DAG1: variants seen among roughly 807,000 people sequenced by gnomAD.
DAG1 encodes dystroglycan 1 (dystrophin-associated glycoprotein 1).
In DAG1, 8 loss-of-function variants were observed where a neutral mutation model predicts 46.1. That is an observed-to-expected ratio of 0.17 (90% CI 0.10 to 0.31). The LOEUF is 0.31. DAG1 is among the 10% of genes least tolerant of loss of function. The pLI is 1.00. For synonymous variants in DAG1, 495 were observed against 481.8 expected, an observed-to-expected ratio of 1.03 and a Z score of -0.36; for missense variants, 1,003 against 1,189.9, an observed-to-expected ratio of 0.84 and a Z score of 2.31.
chr3:49,488,610 T>A (rs923181856), intron 1 of DAG1: 9 of 149,874 alleles, frequency 6.0e-5, no homozygotes, highest in South Asian at 2.1e-4. Context: ...GTTATTTATT[T>A]ATTTTTTTTT....
chr3:49,474,581 G>A (rs1236625061), intron 1 of DAG1, among the ~76,000 whole-genome samples: 1 of 151,896 alleles, frequency 6.6e-6, no homozygotes, highest in African/African-American at 2.4e-5. Context: ...CCTGACCTCA[G>A]GTGATCCACT....
chr3:49,501,763 G>A (rs1240353188), intron 1 of DAG1, among the ~76,000 whole-genome samples: 4 of 148,864 alleles, frequency 2.7e-5, no homozygotes, highest in Admixed American at 1.4e-4. Flanking sequence ...GCAGTGAGCC[G>A]AGATCATGCC....
intron 1 of DAG1, among the ~76,000 whole-genome samples, chr3:49,502,508 A>C (rs2050479922): frequency 6.6e-6 from 1 of 152,182 alleles, no homozygotes; most frequent in Non-Finnish European, 1.5e-5. Context: ...ACCTGGTCCC[A>C]TGGGCCTTGG....
At chr3:49,485,662 T>C (rs1171551121) in intron 1 of DAG1, among the ~76,000 whole-genome samples, 140 of 140,896 alleles carry the variant, frequency 9.9e-4, no homozygotes, top group Non-Finnish European at 1.4e-3. Context: ...TCTTTCTTTT[T>C]TTTTTTTTTT....
At chr3:49,493,876 T>C (rs1380117353) in intron 1 of DAG1, among the ~76,000 whole-genome samples, 1 of 152,220 alleles carries the variant, frequency 6.6e-6, no homozygotes, top group Non-Finnish European at 1.5e-5. Flanking sequence ...TCACTGGTCA[T>C]AGAATGGCTG....
At chr3:49,497,986 C>T (rs2050359177) in intron 1 of DAG1, among the ~76,000 whole-genome samples, 1 of 152,178 alleles carries the variant, frequency 6.6e-6, no homozygotes, top group South Asian at 2.1e-4. Flanking sequence ...CTTTGTTTAT[C>T]TGTGATAAGT....
intron 1 of DAG1, among the ~76,000 whole-genome samples, chr3:49,474,399 G>T (rs1333958726): frequency 2.0e-5 from 3 of 151,920 alleles, no homozygotes; most frequent in Non-Finnish European, 4.4e-5. Flanking sequence ...AGTGTGGAGT[G>T]AAGTGGTGCG....
At chr3:49,499,158 G>A (rs2050383435) in intron 1 of DAG1, among the ~76,000 whole-genome samples, 1 of 152,216 alleles carries the variant, frequency 6.6e-6, no homozygotes, top group African/African-American at 2.4e-5. Context: ...TTAATAATGG[G>A]TTGAGTCTCC....
Position 49,521,289 on chromosome 3 carries a change from A to G in DAG1, c.286-9508A>G, listed in dbSNP as rs184224963. Among the ~76,000 whole-genome samples the G allele has an allele frequency of 8.9e-3, 1,359 of 151,880 alleles. 20 individuals carry two copies. The highest frequency in any genetic ancestry group is 0.032 in the African/African-American group (1,320 of 41,396). On this transcript the variant is annotated intron_variant, in intron 2 of 2. Coordinates refer to ENST00000308775, the MANE Select transcript of DAG1 (RefSeq NM_004393.6). The stretch of plus-strand genomic sequence containing the variant: ...CGCCATTTTCCTGCCTCAGCCTCCC[A>G]AGTAGCTGGGACTACAGGCACCCGC...
intron 2 of DAG1, among the ~76,000 whole-genome samples, chr3:49,518,646 G>C (rs1435573657): frequency 1.3e-5 from 2 of 152,214 alleles, no homozygotes; most frequent in Admixed American, 6.5e-5. Context: ...TTCATGTTCT[G>C]ACAGCTCTTG....
chr3:49,516,917 A>G (rs1275526781), intron 2 of DAG1, among the ~76,000 whole-genome samples: 1 of 149,854 alleles, frequency 6.7e-6, no homozygotes, highest in African/African-American at 2.5e-5. Context: ...ACAAAGTGGT[A>G]GCTAAGTGAC....
chr3:49,521,696 CAA>C (rs1001491467), intron 2 of DAG1, among the ~76,000 whole-genome samples: 5 of 152,250 alleles, frequency 3.3e-5, no homozygotes, highest in African/African-American at 1.2e-4. Flanking sequence ...GTATCTTTAT[CAA>C]AGTCAGTGTT....
chr3:49,492,386 C>T (rs1428382512), intron 1 of DAG1, among the ~76,000 whole-genome samples: 3 of 152,114 alleles, frequency 2.0e-5, no homozygotes, highest in Admixed American at 6.6e-5. Flanking sequence ...GTGGTTTATG[C>T]CTGTAATCCC....
intron 1 of DAG1, among the ~76,000 whole-genome samples, chr3:49,499,651 A>G (rs1348335978): frequency 6.6e-6 from 1 of 152,154 alleles, no homozygotes; most frequent in East Asian, 1.9e-4. Context: ...GTCTGGACAG[A>G]ATGGGGTCAT....
At chr3:49,481,619 A>AT (rs2107070593) in intron 1 of DAG1, among the ~76,000 whole-genome samples, 1 of 152,190 alleles carries the variant, frequency 6.6e-6, no homozygotes, top group East Asian at 1.9e-4. Flanking sequence ...CCACAGATTC[A>AT]TTCTTGCTGA....
Position 49,532,518 on chromosome 3 carries a change from C to A in DAG1, c.2007C>A (p.Cys669Ter). 6.2e-7 allele frequency: 1 copy of A among 1,614,156 alleles called. No individual in the cohort carries two copies. The highest frequency in any genetic ancestry group is 8.5e-7 in the Non-Finnish European group (1 of 1,179,996). The change falls in exon 3 of 3, where the codon TGC (cysteine) becomes TGA (stop). Residue 669 changes from cysteine to a stop codon, truncating the protein, a stop_gained. Transcript: ENST00000308775. LOFTEE classifies it high-confidence loss of function. This position sits in a 1 kb window ranked among gnomAD's most constrained non-coding sequence, Gnocchi z 5.4. The stretch of plus-strand genomic sequence containing the variant: ...ACAACACACTGCCCTTGGAGCCCTG[C>A]CCCAAGGAGCAGATCGCTGGGCTGA... ...WTNNTLPLEP[C>*]PKEQIAGLSR...
In DAG1 at chr3:49,496,088, A is replaced by C. The variant is rs539759529; in HGVS notation, c.-116-14331A>C. ...ATGTCATCACGGGGATATGCCCCTA[A>C]AAGCCTCCTAAAGTATTTTCTTCTG... On this transcript the variant is annotated intron_variant, in intron 1 of 2. Coordinates refer to ENST00000308775, the MANE Select transcript of DAG1 (RefSeq NM_004393.6). Among the ~76,000 whole-genome samples, 25 of 152,358 alleles carry C rather than the reference A, an allele frequency of 1.6e-4. No homozygotes were observed. The South Asian group carries it at 5.0e-3, about 30-fold the overall frequency.
Position 49,533,229 on chromosome 3 carries a change from G to A in DAG1, c.*30G>A. On this transcript the variant is annotated 3_prime_UTR_variant, in exon 3 of 3. Transcript: ENST00000308775. ...CAAGCGCCTGGGTGGAGGCAGGGTA[G>A]GGCAGGGGCCTGGAGACGACATGGT... The A allele has an allele frequency of 5.0e-6, 8 of 1,606,788 alleles. No homozygotes were observed. Among genetic ancestry groups the A allele is most frequent in the Non-Finnish European group, 6.8e-6 (8 of 1,179,844 alleles).
intron 2 of DAG1, among the ~76,000 whole-genome samples, chr3:49,528,275 A>ATGTTTTTTTTTTTTTTTTTTTT (rs2051239280): frequency 1.5e-5 from 1 of 66,660 alleles, no homozygotes; most frequent in Non-Finnish European, 2.6e-5. Flanking sequence ...AAATAGTGTG[A>ATGTTTTTTTTTTTTTTTTTTTT]TTTTTTTTTT....
Sources: gnomAD v4.1 joint callset for allele counts (sites outside exome capture counted in the v4.1 genomes callset) on GRCh38, gnomAD v4.1.1 for gene constraint, Gnocchi (gnomAD v3.1) non-coding constraint, MANE v1.5 for transcripts, NCBI Gene and HGNC (gene_info 2026-07-23, HGNC 2026-07-21) for gene names.